Variants in CCSER1 observed in about 807,000 individuals in gnomAD.
The protein encoded by CCSER1 is coiled-coil serine rich protein 1, also known as serine-rich coiled-coil domain-containing protein 1.
CCSER1 carries 41 observed loss-of-function variants against 82.0 expected under a neutral mutation model. The observed-to-expected ratio is 0.50, with a 90% CI of 0.39 to 0.65. CCSER1 has a LOEUF of 0.65. Among genes scored for constraint, CCSER1 ranks in the 30% least tolerant of loss-of-function variants. The pLI is 0.00. For missense variants in CCSER1, 1,119 were observed against 1,064.2 expected (o/e 1.05, Z -0.72); for synonymous variants, 414 against 383.9 (o/e 1.08, Z -0.92).
chr4:91,336,250 A>G (rs1018719390), intron 10 of CCSER1, among the ~76,000 whole-genome samples: 1 of 152,142 alleles, frequency 6.6e-6, no homozygotes, highest in Non-Finnish European at 1.5e-5. Context: ...CCTTGCATAC[A>G]TAATTACATT....
intron 4 of CCSER1, among the ~76,000 whole-genome samples, chr4:90,446,679 A>C (rs1760704470): frequency 6.6e-6 from 1 of 152,166 alleles, no homozygotes. Context: ...TTGACCCTTG[A>C]ACAACATGGG....
intron 6 of CCSER1, among the ~76,000 whole-genome samples, chr4:90,632,431 T>G (rs1724626547): frequency 6.6e-6 from 1 of 151,962 alleles, no homozygotes; most frequent in East Asian, 1.9e-4. Flanking sequence ...CATATTAATC[T>G]AATCCAGGTT....
At chr4:91,229,260 C>CA (rs1461513040) in intron 10 of CCSER1, among the ~76,000 whole-genome samples, 2 of 126,448 alleles carry the variant, frequency 1.6e-5, no homozygotes, top group Admixed American at 8.5e-5. Flanking sequence ...AGACCTCTAT[C>CA]AAAAAAACCC....
intron 5 of CCSER1, among the ~76,000 whole-genome samples, chr4:90,575,676 CAAAT>C (rs1263448890): frequency 6.6e-6 from 1 of 152,090 alleles, no homozygotes; most frequent in South Asian, 2.1e-4. Context: ...TAGAATAAAA[CAAAT>C]ATTTACTTTC....
intron 3 of CCSER1, among the ~76,000 whole-genome samples, chr4:90,336,874 A>G (rs11947451): frequency 0.015 from 2,211 of 152,322 alleles, 67 homozygotes; most frequent in African/African-American, 0.05. Flanking sequence ...TTCGTCAGCA[A>G]TATTAGCTGA....
At chr4:90,830,459 T>C (rs1206144581) in intron 8 of CCSER1, among the ~76,000 whole-genome samples, 1 of 152,150 alleles carries the variant, frequency 6.6e-6, no homozygotes, top group Non-Finnish European at 1.5e-5. Context: ...CCACTGTTAA[T>C]AGCATACACA....
intron 1 of CCSER1, among the ~76,000 whole-genome samples, chr4:90,290,771 A>G (rs1730783245): frequency 6.6e-6 from 1 of 151,988 alleles, no homozygotes; most frequent in Non-Finnish European, 1.5e-5. Context: ...CTAACAGTGG[A>G]TCTGTCATTG....
At chr4:90,741,367 C>T (rs886418564) in intron 7 of CCSER1, among the ~76,000 whole-genome samples, 5 of 152,122 alleles carry the variant, frequency 3.3e-5, no homozygotes, top group African/African-American at 9.7e-5. Flanking sequence ...AACATGTATT[C>T]AGTTGGATGG....
chr4:90,887,473 A>G (rs1722302405), intron 8 of CCSER1, among the ~76,000 whole-genome samples: 1 of 152,198 alleles, frequency 6.6e-6, no homozygotes, highest in Non-Finnish European at 1.5e-5. Flanking sequence ...ACAAGCTTCA[A>G]ATCTATTCTT....
chr4:91,060,183 A>C (rs1743837112), intron 9 of CCSER1, among the ~76,000 whole-genome samples: 1 of 152,104 alleles, frequency 6.6e-6, no homozygotes, highest in African/African-American at 2.4e-5. Flanking sequence ...TAATAAAAAT[A>C]TTCAACTAGC....
chr4:90,998,778 C>G (rs946550375), intron 9 of CCSER1, among the ~76,000 whole-genome samples: 138 of 151,454 alleles, frequency 9.1e-4, no homozygotes, highest in Non-Finnish European at 1.7e-3. Flanking sequence ...AAGTTTGGTA[C>G]CTGGGTTATA....
intron 5 of CCSER1, among the ~76,000 whole-genome samples, chr4:90,512,303 CA>C (rs2153618270): frequency 7.0e-6 from 1 of 143,788 alleles, no homozygotes; most frequent in East Asian, 2.0e-4. Context: ...TCTTGAATTC[CA>C]AGCAAAAAAA....
At chr4:90,959,512 T>C (rs1313501510) in intron 9 of CCSER1, among the ~76,000 whole-genome samples, 2 of 152,132 alleles carry the variant, frequency 1.3e-5, no homozygotes, top group African/African-American at 4.8e-5. Flanking sequence ...TGTTCTTTTA[T>C]TTAAAACTTA....
chr4:91,347,002 G>T (rs777745179), intron 10 of CCSER1, among the ~76,000 whole-genome samples: 8 of 150,904 alleles, frequency 5.3e-5, no homozygotes, highest in Non-Finnish European at 1.0e-4. Context: ...CAACTTATGA[G>T]TTTTTTTTTG....
chr4:90,595,547 ATAAT>A (rs1224353799), intron 5 of CCSER1, among the ~76,000 whole-genome samples: 2 of 151,966 alleles, frequency 1.3e-5, no homozygotes, highest in African/African-American at 4.8e-5. Flanking sequence ...CACGATTGAA[ATAAT>A]TAATTTCAAC....
intron 3 of CCSER1, among the ~76,000 whole-genome samples, chr4:90,345,278 CAA>C (rs1451980714): frequency 2.6e-5 from 4 of 152,116 alleles, no homozygotes; most frequent in African/African-American, 9.6e-5. Context: ...ATGGAAGAAA[CAA>C]GAGATTGAGT....
At chr4:90,825,019 G>A (rs962568105) in intron 8 of CCSER1, among the ~76,000 whole-genome samples, 15 of 152,204 alleles carry the variant, frequency 9.9e-5, no homozygotes, top group Non-Finnish European at 1.6e-4. Context: ...ACTGCCTCCA[G>A]TTTCTTACAC....
chr4:91,386,974 C>T (rs1236408374), intron 10 of CCSER1, among the ~76,000 whole-genome samples: 6 of 151,584 alleles, frequency 4.0e-5, no homozygotes, highest in Admixed American at 3.9e-4. Flanking sequence ...ACATGGCAAC[C>T]AAATGTAATA....
intron 8 of CCSER1, among the ~76,000 whole-genome samples, chr4:90,899,750 T>G (rs1022376503): frequency 6.6e-6 from 1 of 152,106 alleles, no homozygotes; most frequent in African/African-American, 2.4e-5. Flanking sequence ...TAAATCACGA[T>G]GATTGATTTG....
Sources: allele counts gnomAD v4.1 joint callset (sites outside exome capture counted in the v4.1 genomes callset), GRCh38; gene constraint gnomAD v4.1.1; transcripts MANE v1.5; gene names NCBI Gene and HGNC (gene_info 2026-07-23, HGNC 2026-07-21).